Variants in HNRNPUL1 observed in about 807,000 individuals in gnomAD.
HNRNPUL1 encodes heterogeneous nuclear ribonucleoprotein U-like protein 1.
In HNRNPUL1, 14 loss-of-function variants were observed where a neutral mutation model predicts 108.5. The observed-to-expected ratio is 0.13, with a 90% CI of 0.09 to 0.20. HNRNPUL1 has a LOEUF of 0.20. Among genes scored for constraint, HNRNPUL1 ranks in the 10% least tolerant of loss-of-function variants. The pLI is 1.00. For synonymous variants in HNRNPUL1, 422 were observed against 445.2 expected (o/e 0.95, Z 0.66); for missense variants, 804 against 1,168.3 (o/e 0.69, Z 4.55).
At chr19:41,291,993 AC>A (rs66916970) in intron 7 of HNRNPUL1, 21,047 of 350,962 alleles carry the variant, frequency 0.06, 1,250 homozygotes, top group African/African-American at 0.096. Flanking sequence ...AAAAAAAAAA[AC>A]AAAAAAAAAA....
At chr19:41,287,371 T>A (rs1369688764) in intron 7 of HNRNPUL1, among the ~76,000 whole-genome samples, 3 of 152,154 alleles carry the variant, frequency 2.0e-5, no homozygotes, top group African/African-American at 7.2e-5. Context: ...AAACTTGATA[T>A]AATGCTATTA....
rs539480395 is a variant in HNRNPUL1 at position 41,277,867 on chromosome 19, AT to A, written c.787-1209del. ...GGATCCTGATTTCAGAGATTTTAAAATGTGTGTCTGAAAAGCCAGTGAGGCC... is the reference window on the plus strand; with the variant it reads ...GGATCCTGATTTCAGAGATTTTAAAAGTGTGTCTGAAAAGCCAGTGAGGCC... On this transcript the variant is annotated intron_variant, in intron 5 of 14. Transcript: ENST00000392006. Among the ~76,000 whole-genome samples, 8 of 152,144 alleles carry A rather than the reference AT, an allele frequency of 5.3e-5. No homozygotes were observed. In the South Asian group the frequency reaches 1.7e-3, roughly 32 times the overall value.
chr19:41,286,707 C>CTTTTTTT (rs60441728), intron 7 of HNRNPUL1: 5 of 74,172 alleles, frequency 6.7e-5, no homozygotes, highest in African/African-American at 2.6e-4. Flanking sequence ...GGTGTGTACT[C>CTTTTTTT]TTTTTTTTTT....
intron 4 of HNRNPUL1, among the ~76,000 whole-genome samples, chr19:41,275,169 G>A (rs1320949790): frequency 6.6e-6 from 1 of 152,170 alleles, no homozygotes; most frequent in Non-Finnish European, 1.5e-5. Flanking sequence ...GTGGATCAGG[G>A]TCAGATCCCT....
At chr19:41,267,141 G>T (rs1361314956) in intron 1 of HNRNPUL1, among the ~76,000 whole-genome samples, 1 of 152,188 alleles carries the variant, frequency 6.6e-6, no homozygotes, top group East Asian at 1.9e-4. Flanking sequence ...GTGTAAAATG[G>T]GGTTAATCAA....
chr19:41,270,352 A>G (rs66724427), intron 2 of HNRNPUL1, among the ~76,000 whole-genome samples: 31,233 of 151,918 alleles, frequency 0.21, 3,585 homozygotes, highest in East Asian at 0.35. Context: ...TCCATGAGCC[A>G]TGATGGCAGC....
intron 10 of HNRNPUL1, among the ~76,000 whole-genome samples, chr19:41,301,286 T>C (rs1401129235): frequency 6.6e-6 from 1 of 152,144 alleles, no homozygotes; most frequent in Non-Finnish European, 1.5e-5. Context: ...CAAATAGGAT[T>C]AAAAAGCAAA....
At chr19:41,285,561 C>T (rs1024697863) in intron 7 of HNRNPUL1, among the ~76,000 whole-genome samples, 10 of 152,192 alleles carry the variant, frequency 6.6e-5, no homozygotes, top group African/African-American at 2.4e-4. Context: ...ACTCTCAAAC[C>T]CTAAATCCTC....
chr19:41,272,329 G>T, intron 3 of HNRNPUL1, 94 bp downstream of exon 3: 1 of 1,220,340 alleles, frequency 8.2e-7, no homozygotes. Context: ...ACCTAGAGGG[G>T]CTGAGTAAAG....
At chr19:41,302,401 T>A (rs1375762274) in intron 11 of HNRNPUL1, 2 of 466,772 alleles carry the variant, frequency 4.3e-6, no homozygotes, top group African/African-American at 4.0e-5. Flanking sequence ...GTATTTTTAG[T>A]AGAGATGGGG....
intron 4 of HNRNPUL1, among the ~76,000 whole-genome samples, chr19:41,274,356 A>G (rs1321973722): frequency 6.6e-6 from 1 of 152,194 alleles, no homozygotes; most frequent in Non-Finnish European, 1.5e-5. Context: ...TATAGGAGCA[A>G]TCTGGAAAAC....
rs969528075 is a variant in HNRNPUL1, at chr19:41,279,313, A to G, written c.886+137A>G. ...CTGAAGTGGAACAGGTACAAGGATT[A>G]GGTATATGCCACTGTCTCTGTCATG... On this transcript the variant is annotated intron_variant, in intron 6 of 14. Transcript: ENST00000392006. 4.5e-5 allele frequency: 28 copies of G among 625,390 alleles called. 1 individual carries two copies. The highest frequency in any genetic ancestry group is 7.4e-5 in the Non-Finnish European group (26 of 352,440). 38.7% of individuals were successfully genotyped at this position (625,390 alleles called of 1,614,324 possible). A position where few individuals can be genotyped will look rare whatever the true frequency, so the allele number is the denominator to read the frequency against.
chr19:41,290,621 C>T (rs1271090097), intron 7 of HNRNPUL1, among the ~76,000 whole-genome samples: 4 of 152,156 alleles, frequency 2.6e-5, no homozygotes, highest in Admixed American at 1.3e-4. Flanking sequence ...AATGTACTAG[C>T]CCATTTAACA....
intron 1 of HNRNPUL1, among the ~76,000 whole-genome samples, chr19:41,266,188 A>C (rs964340378): frequency 6.6e-6 from 1 of 152,126 alleles, no homozygotes. Flanking sequence ...TTATTCCAGC[A>C]CTTTGGGAGG....
chr19:41,284,433 A>G (rs1252684096), intron 7 of HNRNPUL1, among the ~76,000 whole-genome samples: 1 of 152,204 alleles, frequency 6.6e-6, no homozygotes, highest in Non-Finnish European at 1.5e-5. Context: ...TGGGAGGCCA[A>G]GGTGGGCAGA....
intron 7 of HNRNPUL1, among the ~76,000 whole-genome samples, chr19:41,288,200 ATCT>A (rs1309956616): frequency 1.8e-5 from 1 of 56,396 alleles, no homozygotes; most frequent in Non-Finnish European, 3.3e-5. Context: ...TCGGGGTTTC[ATCT>A]TTTTTTTTTT....
intron 13 of HNRNPUL1, among the ~76,000 whole-genome samples, chr19:41,304,679 C>T (rs1341335652): frequency 1.3e-5 from 2 of 152,216 alleles, no homozygotes; most frequent in African/African-American, 4.8e-5. Flanking sequence ...ACTAAGGTTG[C>T]TGAGGACTTG....
chr19:41,303,195 T>A (rs1015717449), intron 12 of HNRNPUL1, among the ~76,000 whole-genome samples: 1 of 152,174 alleles, frequency 6.6e-6, no homozygotes, highest in African/African-American at 2.4e-5. Flanking sequence ...CACATTGCTG[T>A]CATTTTTGTG....
Position 41,279,168 on chromosome 19 carries a change from C to G in HNRNPUL1, c.878C>G (p.Thr293Ser), listed in dbSNP as rs2035758221. ...RIGWSLDSCS[T>S]QLGEEPFSYG... ...GGCTGGTCCCTGGACTCCTGCAGCA[C>G]CCAGCTAGGTAAGGAGGGGTCAGCT... Residue 293 changes from threonine (T) to serine (S), a missense_variant, in exon 6 of 15, where the codon ACC becomes AGC. Coordinates refer to ENST00000392006, the MANE Select transcript of HNRNPUL1 (RefSeq NM_007040.6). 1.9e-6 allele frequency: 3 copies of G among 1,611,312 alleles called. No homozygotes were observed. The highest frequency in any genetic ancestry group is 2.5e-6 in the Non-Finnish European group (3 of 1,178,520).
Sources: gnomAD v4.1 joint callset for allele counts (sites outside exome capture counted in the v4.1 genomes callset) on GRCh38, gnomAD v4.1.1 for gene constraint, MANE v1.5 for transcripts, NCBI Gene and HGNC (gene_info 2026-07-23, HGNC 2026-07-21) for gene names.